RASGRP3: variants seen among roughly 807,000 people sequenced by gnomAD.
RASGRP3 encodes ras guanyl-releasing protein 3.
Under a neutral mutation model 82.7 loss-of-function variants are expected in RASGRP3, and 54 were observed. The ratio of observed to expected loss-of-function variants is 0.65; its 90% CI spans 0.52 to 0.82. The LOEUF is 0.82. RASGRP3 is among the 40% of genes least tolerant of loss of function. RASGRP3 has a pLI of 0.00. For synonymous variants in RASGRP3, 309 were observed against 300.5 expected (o/e 1.03, Z -0.29); for missense variants, 861 against 828.9 (o/e 1.04, Z -0.48).
chr2:33,524,405 A>C, intron 8 of RASGRP3, 27 bp from the exon 9 acceptor site: 1 of 1,395,458 alleles, frequency 7.2e-7, no homozygotes, highest in Non-Finnish European at 9.8e-7. Context: ...AAAATCCTTA[A>C]AAAGCATTGA....
intron 1 of RASGRP3, among the ~76,000 whole-genome samples, chr2:33,441,176 G>A (rs1665206913): frequency 6.6e-6 from 1 of 152,196 alleles, no homozygotes; most frequent in Admixed American, 6.5e-5. Flanking sequence ...ACAGGCGTGA[G>A]CCACGGCACC....
rs547839426 is a variant in RASGRP3 at position 33,469,154 on chromosome 2, G to C, written c.-261+21211G>C. ...TGGTCATTTATGTTTCTTCCCTTGT[G>C]AACTATTTATTAATATCCAGTTGTT... On this transcript the variant is annotated intron_variant, in intron 2 of 18. Coordinates refer to the RASGRP3 transcript ENST00000402538. 2.0e-5 allele frequency among the ~76,000 whole-genome samples: 3 copies of C among 151,216 alleles called. No individual in the cohort carries two copies. In the South Asian group the frequency reaches 6.3e-4, roughly 32 times the overall value.
Position 33,520,628 on chromosome 2 carries a change from A to T in RASGRP3, c.312A>T (p.Glu104Asp), listed in dbSNP as rs767616744. Residue 104 changes from glutamate to aspartate, a missense_variant, in exon 6 of 18, where the codon GAA becomes GAT. By Grantham distance (45) the Glu-to-Asp change is conservative. Coordinates refer to ENST00000403687, the MANE Select transcript of RASGRP3 (RefSeq NM_001139488.2). The part of the protein sequence containing the change: ...GLIRMTEEFR[E>D]VASQLGYEKH... ...TTCGTATGACTGAGGAATTTCGGGAAGTAGCTAGTCAACTAGGATATGAAA... is the reference window on the plus strand; with the variant it reads ...TTCGTATGACTGAGGAATTTCGGGATGTAGCTAGTCAACTAGGATATGAAA... 7 of 1,613,896 alleles carry T rather than the reference A, an allele frequency of 4.3e-6. No homozygotes were observed. The South Asian group carries it at 7.7e-5, about 18-fold the overall frequency.
chr2:33,441,949 T>C (rs1429548099), intron 1 of RASGRP3, among the ~76,000 whole-genome samples: 1 of 152,230 alleles, frequency 6.6e-6, no homozygotes, highest in African/African-American at 2.4e-5. Context: ...TATGAAATTT[T>C]ATACAGACAT....
chr2:33,534,552 G>A (rs915654714), intron 11 of RASGRP3, among the ~76,000 whole-genome samples, 152 bp downstream of exon 11: 6 of 151,730 alleles, frequency 4.0e-5, no homozygotes, highest in African/African-American at 1.5e-4. Flanking sequence ...TTTTTGAGGC[G>A]GAGTCTTGCA....
At position 33,520,604 on chromosome 2, in the gene RASGRP3, T is replaced by G. The variant is rs1671932656; in HGVS notation, c.288T>G (p.Ile96Met). 5.0e-6 allele frequency: 8 copies of G among 1,614,038 alleles called. No homozygotes were observed. Among genetic ancestry groups the G allele is most frequent in the Non-Finnish European group, 6.8e-6 (8 of 1,179,874 alleles). ...PAEFNLDLGL[I>M]RMTEEFREVA... is the part of the protein sequence containing the mutation. ...AGTTTAATTTGGATCTTGGTTTGAT[T>G]CGTATGACTGAGGAATTTCGGGAAG... The change falls in exon 6 of 18, where the codon ATT becomes ATG. Residue 96 changes from isoleucine (I) to methionine (M), a missense_variant. Coordinates refer to ENST00000403687, the MANE Select transcript of RASGRP3 (RefSeq NM_001139488.2).
intron 1 of RASGRP3, among the ~76,000 whole-genome samples, chr2:33,488,468 C>G (rs1558435372): frequency 6.6e-6 from 1 of 152,100 alleles, no homozygotes; most frequent in Non-Finnish European, 1.5e-5. Flanking sequence ...TTGCTCAAGG[C>G]TCAATGGGAC....
At chr2:33,534,051 C>T (rs938535676) in intron 10 of RASGRP3, 7 of 382,120 alleles carry the variant, frequency 1.8e-5, no homozygotes, top group Admixed American at 7.8e-5. Context: ...ATCCCTCATC[C>T]GTGACTCAGC....
chr2:33,555,540 A>G lies in RASGRP3; in HGVS notation c.1552A>G (p.Ile518Val). ...TTGTCTTTTGTTACAGCTCTGGGGC[A>G]TAATCAAGCAAGGATACAAATGCAA... ...CEHCAGFLWG[I>V]IKQGYKCKDC... Residue 518 changes from isoleucine (I) to valine (V), a missense_variant, in exon 15 of 18, where the codon ATA (isoleucine) becomes GTA (valine). By Grantham distance (29) the Ile-to-Val change is conservative. Transcript: ENST00000403687. The G allele has an allele frequency of 6.3e-7, 1 of 1,599,650 alleles. No homozygotes were observed. Among genetic ancestry groups the G allele is most frequent in the Non-Finnish European group, 8.6e-7 (1 of 1,169,312 alleles).
At chr2:33,537,431 T>C (rs1417852346) in intron 11 of RASGRP3, among the ~76,000 whole-genome samples, 1 of 150,584 alleles carries the variant, frequency 6.6e-6, no homozygotes, top group Admixed American at 6.7e-5. Flanking sequence ...CAATCTCAGC[T>C]CACTGCAACC....
intron 10 of RASGRP3, chr2:33,531,601 C>T (rs1673113668): frequency 6.6e-6 from 1 of 152,242 alleles, no homozygotes; most frequent in African/African-American, 2.4e-5. Context: ...TTCTTGGAGG[C>T]AGCTATTATT....
chr2:33,542,443 T>A lies in RASGRP3; in HGVS notation c.1279-1069T>A, dbSNP rs1674364308. Among the ~76,000 whole-genome samples the A allele has an allele frequency of 2.7e-5, 4 of 147,440 alleles. No homozygotes were observed. In the South Asian group the frequency reaches 8.7e-4, roughly 32 times the overall value. On this transcript the variant is annotated intron_variant, in intron 12 of 17. Coordinates refer to ENST00000403687, the MANE Select transcript of RASGRP3 (RefSeq NM_001139488.2). The stretch of plus-strand genomic sequence containing the variant: ...GCCCACTTTGATTTGAACTTTATAA[T>A]CAATTTGTTCATTTAAAATAAATCC...
intron 2 of RASGRP3, among the ~76,000 whole-genome samples, chr2:33,471,378 C>T (rs796192128): frequency 9.9e-5 from 13 of 131,472 alleles, no homozygotes; most frequent in Non-Finnish European, 1.6e-4. Context: ...GATGGAGTCT[C>T]GCTATGTTGC....
At chr2:33,478,838 G>A (rs1020114925) in intron 1 of RASGRP3, among the ~76,000 whole-genome samples, 5 of 152,290 alleles carry the variant, frequency 3.3e-5, no homozygotes, top group Admixed American at 2.6e-4. Flanking sequence ...TACTTTTATT[G>A]TGCACTTACT....
At chr2:33,554,029 G>T (rs1399915807) in intron 14 of RASGRP3, among the ~76,000 whole-genome samples, 2 of 152,136 alleles carry the variant, frequency 1.3e-5, no homozygotes, top group Admixed American at 1.3e-4. Flanking sequence ...GAGCCACCGC[G>T]CCCGGCTGAC....
At chr2:33,437,659 C>T (rs1048806169) in intron 1 of RASGRP3, among the ~76,000 whole-genome samples, 20 of 152,174 alleles carry the variant, frequency 1.3e-4, no homozygotes, top group African/African-American at 4.8e-4. Context: ...GCACAGGAGG[C>T]CAGGACTCGG....
intron 1 of RASGRP3, among the ~76,000 whole-genome samples, chr2:33,437,736 T>C (rs1665001354): frequency 6.6e-6 from 1 of 152,132 alleles, no homozygotes; most frequent in Admixed American, 6.5e-5. Context: ...TATTTTTTAC[T>C]GATTAGAAAA....
At chr2:33,512,477 A>G (rs1236196544) in intron 2 of RASGRP3, among the ~76,000 whole-genome samples, 1 of 152,224 alleles carries the variant, frequency 6.6e-6, no homozygotes, top group African/African-American at 2.4e-5. Flanking sequence ...GGGTACTGAT[A>G]GAGTTTACAT....
chr2:33,486,631 A>T (rs1668422104), intron 1 of RASGRP3, among the ~76,000 whole-genome samples: 1 of 152,248 alleles, frequency 6.6e-6, no homozygotes, highest in African/African-American at 2.4e-5. Context: ...TGTAAAAGAG[A>T]ATGTTTCCAA....
Sources: gnomAD v4.1 joint callset for allele counts (sites outside exome capture counted in the v4.1 genomes callset) on GRCh38, gnomAD v4.1.1 for gene constraint, MANE v1.5 for transcripts, NCBI Gene and HGNC (gene_info 2026-07-23, HGNC 2026-07-21) for gene names.